Variants in PRKCQ observed in about 807,000 individuals in gnomAD.
PRKCQ encodes the protein protein kinase C theta.
Under a neutral mutation model 91.2 loss-of-function variants are expected in PRKCQ, and 41 were observed. The observed-to-expected ratio is 0.45, with a 90% CI of 0.35 to 0.58. The LOEUF (loss-of-function observed/expected upper bound fraction) is 0.58. Among genes scored for constraint, PRKCQ ranks in the 20% least tolerant of loss-of-function variants. The pLI, the probability that PRKCQ is intolerant of heterozygous loss-of-function variation, is 0.00. For synonymous variants in PRKCQ, 307 were observed against 316.9 expected, an observed-to-expected ratio of 0.97 and a Z score of 0.33; for missense variants, 673 against 896.5, an observed-to-expected ratio of 0.75 and a Z score of 3.18.
chr10:6,552,902 T>A (rs1377027108), intron 1 of PRKCQ, among the ~76,000 whole-genome samples: 3 of 152,148 alleles, frequency 2.0e-5, no homozygotes, highest in Non-Finnish European at 4.4e-5. Context: ...AATTTTTTTT[T>A]AATTAAAAAT....
chr10:6,519,358 T>A (rs2130877780), intron 1 of PRKCQ, among the ~76,000 whole-genome samples: 1 of 152,296 alleles, frequency 6.6e-6, no homozygotes, highest in East Asian at 1.9e-4. Flanking sequence ...CAGTTGCCCC[T>A]TCATCAGCTA....
rs868320548 is a variant in PRKCQ at position 6,525,148 on chromosome 10, C to T, written c.-9-10004G>A. 5.6e-3 allele frequency among the ~76,000 whole-genome samples: 749 copies of T among 134,028 alleles called. 3 individuals are homozygous for T. The highest frequency in any genetic ancestry group is 0.019 in the African/African-American group (682 of 36,666). 87.9% of individuals were successfully genotyped at this position (134,028 alleles called of 152,430 possible). A position where few individuals can be genotyped will look rare whatever the true frequency, so the allele number is the denominator to read the frequency against. On this transcript the variant is annotated intron_variant, in intron 1 of 17. Coordinates refer to ENST00000263125, the MANE Select transcript of PRKCQ (RefSeq NM_006257.5). ...AATGACTATGGATTTATTTTAAGTT[C>T]TTTTTTTTTTTTTTTGAGGGTAAGA...
At chr10:6,483,920 C>A (rs967805285) in intron 10 of PRKCQ, among the ~76,000 whole-genome samples, 1 of 152,212 alleles carries the variant, frequency 6.6e-6, no homozygotes, top group Admixed American at 6.5e-5. Flanking sequence ...TACACAAGCA[C>A]TGTTAATAAT....
intron 1 of PRKCQ, among the ~76,000 whole-genome samples, chr10:6,561,361 C>T (rs1481906595): frequency 2.1e-5 from 2 of 96,114 alleles, no homozygotes; most frequent in Admixed American, 3.4e-4. Flanking sequence ...CAGAGTGAGA[C>T]CCTGTCTCAA....
chr10:6,528,000 A>C (rs1287445047), intron 1 of PRKCQ, among the ~76,000 whole-genome samples: 1 of 152,130 alleles, frequency 6.6e-6, no homozygotes, highest in Non-Finnish European at 1.5e-5. Context: ...GCAGGTGCAT[A>C]ATGGATTTGT....
At chr10:6,548,585 G>A (rs1420552609) in intron 1 of PRKCQ, among the ~76,000 whole-genome samples, 3 of 147,550 alleles carry the variant, frequency 2.0e-5, no homozygotes, top group African/African-American at 7.5e-5. Flanking sequence ...CCTTTGTAGG[G>A]ACATGGATGA....
At chr10:6,498,199 G>A (rs1484787267) in intron 5 of PRKCQ, among the ~76,000 whole-genome samples, 197 bp downstream of exon 5, 2 of 151,512 alleles carry the variant, frequency 1.3e-5, no homozygotes, top group East Asian at 3.9e-4. Context: ...TTCCTGACTA[G>A]ACCTGGCTTC....
intron 1 of PRKCQ, among the ~76,000 whole-genome samples, chr10:6,554,209 C>T (rs550055986): frequency 2.6e-5 from 4 of 152,274 alleles, no homozygotes; most frequent in Non-Finnish European, 5.9e-5. Context: ...GGATACAGGA[C>T]TCATATACAA....
chr10:6,478,986 C>A lies in PRKCQ; in HGVS notation c.1353+6G>T. 1.2e-6 allele frequency: 2 copies of A among 1,613,846 alleles called. No homozygotes were observed. The highest frequency in any genetic ancestry group is 1.7e-6 in the Non-Finnish European group (2 of 1,179,840). Reference sequence around the variant, plus strand: ...GGAGGTAGGGTTGTCGGAGCAGAAGCCATACCTTGGTCTGGAATGTACAAA... The same window carrying A: ...GGAGGTAGGGTTGTCGGAGCAGAAGACATACCTTGGTCTGGAATGTACAAA... On this transcript the variant is annotated splice_donor_region_variant and intron_variant, in intron 12 of 17. Coordinates refer to ENST00000263125, the MANE Select transcript of PRKCQ (RefSeq NM_006257.5).
At position 6,497,986 on chromosome 10, in the gene PRKCQ, A is replaced by G. The variant is rs1837706883; in HGVS notation, c.542+410T>C. 6.6e-6 allele frequency among the ~76,000 whole-genome samples: 1 copy of G among 152,252 alleles called. No individual in the cohort carries two copies. Among genetic ancestry groups the G allele is most frequent in the Non-Finnish European group, 1.5e-5 (1 of 68,044 alleles). On this transcript the variant is annotated intron_variant, in intron 5 of 17. Transcript: ENST00000263125. This position sits in a 1 kb window ranked among gnomAD's most constrained non-coding sequence, Gnocchi z 4.5. ...TATTAAGATACCCAAGAGCCTCATA[A>G]GCATTTAAACCATTAGCTACAATGG...
At chr10:6,579,451 C>G (rs1287518899) in intron 1 of PRKCQ, among the ~76,000 whole-genome samples, 3 of 152,084 alleles carry the variant, frequency 2.0e-5, no homozygotes, top group African/African-American at 4.8e-5. Flanking sequence ...CCAGCCAGCC[C>G]GTGGACCTCT....
At chr10:6,478,342 T>C (rs1192211875) in intron 12 of PRKCQ, among the ~76,000 whole-genome samples, 1 of 152,194 alleles carries the variant, frequency 6.6e-6, no homozygotes, top group African/African-American at 2.4e-5. Flanking sequence ...CTTCTTTGAG[T>C]TTATAAAAAT....
At chr10:6,466,349 A>G (rs1420770699) in intron 12 of PRKCQ, among the ~76,000 whole-genome samples, 1 of 152,194 alleles carries the variant, frequency 6.6e-6, no homozygotes, top group East Asian at 1.9e-4. Flanking sequence ...ACTAGTGGTG[A>G]GCATTGGGGG....
At chr10:6,555,279 T>G (rs1315692579) in intron 1 of PRKCQ, among the ~76,000 whole-genome samples, 1 of 151,966 alleles carries the variant, frequency 6.6e-6, no homozygotes, top group African/African-American at 2.4e-5. Context: ...AAAGATCTAA[T>G]GCTATAGTGA....
the PRKCQ span, among the ~76,000 whole-genome samples, chr10:6,407,769 A>T: frequency 3.9e-5 from 6 of 151,958 alleles, no homozygotes; most frequent in Non-Finnish European, 8.8e-5. The surrounding 1 kb of genome is among the most constrained non-coding windows in gnomAD (Gnocchi z 4.0). Context: ...CATTATCTAG[A>T]TTCAATTCAT....
chr10:6,493,082 A>G (rs1588758234), intron 7 of PRKCQ, among the ~76,000 whole-genome samples: 1 of 152,166 alleles, frequency 6.6e-6, no homozygotes, highest in East Asian at 1.9e-4. Context: ...CTGGAAGGGG[A>G]CCACTTCGAA....
chr10:6,563,999 G>T (rs558671079), intron 1 of PRKCQ, among the ~76,000 whole-genome samples: 1 of 152,184 alleles, frequency 6.6e-6, no homozygotes, highest in Non-Finnish European at 1.5e-5. Context: ...CGATGTGAGC[G>T]TGAGGAAGTG....
chr10:6,442,977 C>A (rs901417211), intron 15 of PRKCQ, among the ~76,000 whole-genome samples: 9 of 151,910 alleles, frequency 5.9e-5, no homozygotes, highest in East Asian at 1.9e-4. Context: ...ACAAAAAAAA[C>A]CCCAAAGCAC....
chr10:6,480,184 AT>A (rs1014591375), intron 11 of PRKCQ, among the ~76,000 whole-genome samples: 1 of 152,148 alleles, frequency 6.6e-6, no homozygotes, highest in Non-Finnish European at 1.5e-5. Flanking sequence ...GGAATGAAAC[AT>A]TTTAGGACCT....
Sources: allele counts gnomAD v4.1 joint callset (sites outside exome capture counted in the v4.1 genomes callset), GRCh38; gene constraint gnomAD v4.1.1; non-coding constraint Gnocchi (gnomAD v3.1); transcripts MANE v1.5; gene names NCBI Gene and HGNC (gene_info 2026-07-23, HGNC 2026-07-21).